TBX15: variants seen among roughly 807,000 people sequenced by gnomAD.
TBX15 encodes the protein T-box transcription factor TBX15.
A neutral mutation model predicts 53.9 loss-of-function variants in TBX15; 18 were observed. The observed-to-expected ratio is 0.33, with a 90% CI of 0.23 to 0.49. The LOEUF is 0.49. TBX15 is among the 20% of genes least tolerant of loss of function. The pLI is 0.98. For synonymous variants in TBX15, 295 were observed against 278.0 expected (o/e 1.06, Z -0.61); for missense variants, 692 against 749.5 (o/e 0.92, Z 0.90).
intron 1 of TBX15, among the ~76,000 whole-genome samples, chr1:118,967,546 C>A (rs1263153417): frequency 6.6e-6 from 1 of 152,094 alleles, no homozygotes; most frequent in African/African-American, 2.4e-5. Context: ...GCCAACTCAA[C>A]AAATCAAATC....
rs3033458 is a variant in TBX15, at chr1:118,988,148, CCTCTCTCT to C, written c.-361_-354del. Reference sequence around the variant, plus strand: ...TTTTGTTATTATTATTATTCTCTCTCCTCTCTCTCTCTCTCTCTCTCTCCCCTCCCTCT... The same window carrying C: ...TTTTGTTATTATTATTATTCTCTCTCCTCTCTCTCTCTCTCCCCTCCCTCT... On this transcript the variant is annotated 5_prime_UTR_variant, in exon 1 of 8. Transcript: ENST00000369429. The C allele has an allele frequency of 5.0e-5, 9 of 179,916 alleles. No homozygotes were observed. The highest frequency in any genetic ancestry group is 1.5e-4 in the East Asian group (1 of 6,648). The allele number at this position is 179,916 out of a possible 1,614,324, so 11.1% of individuals were successfully genotyped here.
intron 6 of TBX15, among the ~76,000 whole-genome samples, chr1:118,912,341 G>T (rs1655052399): frequency 6.6e-6 from 1 of 151,882 alleles, no homozygotes; most frequent in African/African-American, 2.4e-5. Context: ...TCTGAAGAAA[G>T]ATATAGACCT....
intron 3 of TBX15, among the ~76,000 whole-genome samples, chr1:118,925,408 T>C (rs1251065490): frequency 6.6e-6 from 1 of 152,198 alleles, no homozygotes; most frequent in African/African-American, 2.4e-5. Flanking sequence ...TGCAACCATT[T>C]CAGAAGCACC....
At chr1:118,931,874 G>GCC in intron 1 of TBX15, 42 bp from the exon 2 acceptor site, 5 of 1,540,088 alleles carry the variant, frequency 3.2e-6, no homozygotes, top group Non-Finnish European at 4.4e-6. Flanking sequence ...AAACTGCTGA[G>GCC]CTCCCCTCAC....
chr1:118,922,309 G>C (rs1258308393), intron 5 of TBX15, among the ~76,000 whole-genome samples: 3 of 152,102 alleles, frequency 2.0e-5, no homozygotes, highest in Non-Finnish European at 2.9e-5. Context: ...AGCCATTGCA[G>C]CTCCTCCAAT....
chr1:118,940,679 A>G (rs1656146476), intron 1 of TBX15, among the ~76,000 whole-genome samples: 1 of 151,678 alleles, frequency 6.6e-6, no homozygotes, highest in Admixed American at 6.6e-5. Context: ...GTAAAGTGTC[A>G]AATTAACATA....
At chr1:118,940,342 T>A (rs998707788) in intron 1 of TBX15, among the ~76,000 whole-genome samples, 4 of 151,884 alleles carry the variant, frequency 2.6e-5, no homozygotes, top group African/African-American at 9.7e-5. Flanking sequence ...TCACTTCCTA[T>A]CCCCAATCCA....
intron 1 of TBX15, among the ~76,000 whole-genome samples, chr1:118,969,696 TAGA>T (rs1657168745): frequency 6.6e-6 from 1 of 152,222 alleles, no homozygotes; most frequent in South Asian, 2.1e-4. Context: ...TATTAACATT[TAGA>T]AACCCACAAA....
At chr1:118,985,792 C>T (rs1657810768) in intron 1 of TBX15, among the ~76,000 whole-genome samples, 1 of 152,248 alleles carries the variant, frequency 6.6e-6, no homozygotes, top group Admixed American at 6.5e-5. Context: ...CCACCCCACC[C>T]CCATCCCGCG....
Position 118,884,439 on chromosome 1 carries a change from A to T in TBX15, c.*293T>A, listed in dbSNP as rs1180219067. The T allele has an allele frequency of 6.5e-6, 3 of 459,016 alleles. No individual in the cohort carries two copies. The highest frequency in any genetic ancestry group is 5.9e-5 in the African/African-American group (3 of 50,958). 28.4% of individuals were successfully genotyped at this position (459,016 alleles called of 1,614,324 possible). ...AGCATCTCCCTTAACATTATGACGAAGTGATTATTCAGTCTCTTCAAAGGC... is the reference window on the plus strand; with the variant it reads ...AGCATCTCCCTTAACATTATGACGATGTGATTATTCAGTCTCTTCAAAGGC... On this transcript the variant is annotated 3_prime_UTR_variant, in exon 8 of 8. Transcript: ENST00000369429.
At chr1:118,951,663 T>C (rs1656517693) in intron 1 of TBX15, among the ~76,000 whole-genome samples, 1 of 152,196 alleles carries the variant, frequency 6.6e-6, no homozygotes, top group African/African-American at 2.4e-5. Flanking sequence ...TGTTCCTGAT[T>C]CCAAGTGGCA....
chr1:118,956,692 C>T (rs1250662473), intron 1 of TBX15, among the ~76,000 whole-genome samples: 1 of 152,072 alleles, frequency 6.6e-6, no homozygotes, highest in Non-Finnish European at 1.5e-5. Flanking sequence ...GTGGCTCATG[C>T]CTGTAATCCC....
intron 7 of TBX15, among the ~76,000 whole-genome samples, chr1:118,893,314 G>GAAGA (rs1654228663): frequency 8.3e-6 from 1 of 120,726 alleles, no homozygotes; most frequent in Non-Finnish European, 1.6e-5. Flanking sequence ...AGGAAGGAAG[G>GAAGA]AAAGAAAGAA....
At chr1:118,893,635 AAG>A (rs1386419479) in intron 7 of TBX15, among the ~76,000 whole-genome samples, 3 of 151,460 alleles carry the variant, frequency 2.0e-5, no homozygotes, top group Admixed American at 1.3e-4. Context: ...AAGAAAAAGA[AAG>A]AAAGAAAGGG....
At chr1:118,977,123 T>C (rs758661222) in intron 1 of TBX15, among the ~76,000 whole-genome samples, 2 of 152,188 alleles carry the variant, frequency 1.3e-5, no homozygotes, top group African/African-American at 2.4e-5. Context: ...GTCATACAAC[T>C]AGCAAGTGTT....
intron 6 of TBX15, 128 bp from the exon 7 acceptor site, chr1:118,899,253 G>A (rs1654534708): frequency 1.2e-6 from 1 of 848,938 alleles, no homozygotes; most frequent in Middle Eastern, 2.2e-4. Context: ...CACCATCAAG[G>A]TAAATTCGGG....
At chr1:118,924,623 G>A in intron 4 of TBX15, 23 bp downstream of exon 4, 1 of 1,613,800 alleles carries the variant, frequency 6.2e-7, no homozygotes, top group Non-Finnish European at 8.5e-7. Flanking sequence ...GAAAGAAAGG[G>A]GAGATAGGAT....
At chr1:118,976,632 T>C (rs1377393878) in intron 1 of TBX15, among the ~76,000 whole-genome samples, 1 of 152,228 alleles carries the variant, frequency 6.6e-6, no homozygotes, top group Non-Finnish European at 1.5e-5. Flanking sequence ...GCCCGGCTTC[T>C]GCTCACCCCC....
intron 1 of TBX15, among the ~76,000 whole-genome samples, chr1:118,952,357 G>A (rs1259169517): frequency 1.3e-5 from 2 of 152,048 alleles, no homozygotes; most frequent in African/African-American, 4.8e-5. Context: ...GCTACATAGG[G>A]AGTCAGCACC....
Sources: gnomAD v4.1 joint callset for allele counts (sites outside exome capture counted in the v4.1 genomes callset) on GRCh38, gnomAD v4.1.1 for gene constraint, MANE v1.5 for transcripts, NCBI Gene and HGNC (gene_info 2026-07-23, HGNC 2026-07-21) for gene names.